The following POLI variants were observed in gnomAD, a reference collection of about 807,000 sequenced individuals.
POLI encodes the protein DNA polymerase iota, also known as RAD30 homolog B.
In POLI, 58 loss-of-function variants were observed where a neutral mutation model predicts 51.6. The observed-to-expected ratio is 1.12, with a 90% CI of 0.91 to 1.40. The LOEUF is 1.40. Among genes scored for constraint, POLI ranks in the 40% most tolerant of loss-of-function variants. The probability of loss-of-function intolerance (pLI) is 0.00; values close to 1 mark genes in which losing one functional copy is unlikely to be tolerated. For missense variants in POLI, 921 were observed against 871.3 expected, an observed-to-expected ratio of 1.06 and a Z score of -0.72; for synonymous variants, 322 against 299.7, an observed-to-expected ratio of 1.07 and a Z score of -0.77.
At position 54,297,128 on chromosome 18, in the gene POLI, C is replaced by G; in HGVS notation, c.*2661C>G. On this transcript the variant is annotated 3_prime_UTR_variant, in exon 10 of 10. Transcript: ENST00000579534. ...TGTCTTAAGTGTAAGCTCCCTGACC[C>G]TTACTACTAGCCGAAGGTTTTGTCT... The G allele has an allele frequency of 1.0e-6, 1 of 985,402 alleles. No homozygotes were observed. Among genetic ancestry groups the G allele is most frequent in the Non-Finnish European group, 1.2e-6 (1 of 829,924 alleles). 61.0% of individuals were successfully genotyped at this position (985,402 alleles called of 1,614,324 possible). A position where few individuals can be genotyped will look rare whatever the true frequency, so the allele number is the denominator to read the frequency against.
In POLI at chr18:54,283,978, T is replaced by C; in HGVS notation, c.1032T>C (p.Asn344=). 1 of 1,490,396 alleles carries C rather than the reference T, an allele frequency of 6.7e-7. No individual in the cohort carries two copies. The highest frequency in any genetic ancestry group is 9.3e-7 in the Non-Finnish European group (1 of 1,076,216). 92.3% of individuals were successfully genotyped at this position (1,490,396 alleles called of 1,614,324 possible). ...GTTCATCTGAAGTTGAAGCTAAAAATAAGATTGAAGAACTACTTGCTAGTC... is the reference window on the plus strand; with the variant it reads ...GTTCATCTGAAGTTGAAGCTAAAAACAAGATTGAAGAACTACTTGCTAGTC... ...KKCSSEVEAK[N]KIEELLASLL... Residue 344 remains asparagine, a synonymous_variant, in exon 7 of 10, where the codon AAT becomes AAC. Coordinates refer to ENST00000579534, the MANE Select transcript of POLI (RefSeq NM_007195.3).
intron 6 of POLI, among the ~76,000 whole-genome samples, 175 bp downstream of exon 6, chr18:54,283,190 A>T (rs1423285896): frequency 6.6e-6 from 1 of 152,158 alleles, no homozygotes; most frequent in East Asian, 1.9e-4. Context: ...CTTAAATGGA[A>T]TCTTAAGCAT....
At chr18:54,293,270 C>T (rs2088113961) in intron 9 of POLI, among the ~76,000 whole-genome samples, 1 of 151,648 alleles carries the variant, frequency 6.6e-6, no homozygotes, top group South Asian at 2.1e-4. Flanking sequence ...AAAACTAGCC[C>T]TTGATGCTAT....
rs1418395722 is a variant in POLI at position 54,294,640 on chromosome 18, T to C, written c.*173T>C. On this transcript the variant is annotated 3_prime_UTR_variant, in exon 10 of 10. Coordinates refer to ENST00000579534, the MANE Select transcript of POLI (RefSeq NM_007195.3). Reference sequence around the variant, plus strand: ...AATTCTGGCACAAAGCGTAAAAATATAACAGAAGAAATAATGTAAAATACT... The same window carrying C: ...AATTCTGGCACAAAGCGTAAAAATACAACAGAAGAAATAATGTAAAATACT... 10 of 1,280,312 alleles carry C rather than the reference T, an allele frequency of 7.8e-6. No homozygotes were observed. The highest frequency in any genetic ancestry group is 9.8e-6 in the Non-Finnish European group (10 of 1,015,744). The allele number at this position is 1,280,312 out of a possible 1,614,324, so 79.3% of individuals were successfully genotyped here. A position where few individuals can be genotyped will look rare whatever the true frequency, so the allele number is the denominator to read the frequency against.
At chr18:54,312,965 A>T (rs888053716) in intron 3 of POLI, among the ~76,000 whole-genome samples, 4 of 152,128 alleles carry the variant, frequency 2.6e-5, no homozygotes, top group Non-Finnish European at 5.9e-5. Flanking sequence ...ATTAGGTCCC[A>T]CTTGTCAATT....
intron 3 of POLI, among the ~76,000 whole-genome samples, chr18:54,317,715 A>C (rs2144653905): frequency 6.6e-6 from 1 of 152,256 alleles, no homozygotes; most frequent in Non-Finnish European, 1.5e-5. Context: ...ATTAAAAAAA[A>C]TTAACCCAGT....
chr18:54,308,433 A>G (rs2088622906), intron 3 of POLI, among the ~76,000 whole-genome samples: 1 of 152,166 alleles, frequency 6.6e-6, no homozygotes, highest in Admixed American at 6.5e-5. Context: ...GGCTTGTACA[A>G]TTTCTGCCGA....
Position 54,309,577 on chromosome 18 carries a change from C to A in POLI, c.334-10696C>A, listed in dbSNP as rs184189960. ...AGGCAGTCAGTCCACTCTCAGAGCT[C>A]AAACACCGTGCTGGGAGATGTCCCA... On this transcript the variant is annotated intron_variant, in intron 3 of 4. Coordinates refer to the POLI transcript ENST00000579823. 1.1e-3 allele frequency among the ~76,000 whole-genome samples: 161 copies of A among 152,310 alleles called. 1 individual carries two copies. The highest frequency in any genetic ancestry group is 4.4e-4 in the Non-Finnish European group (30 of 68,034).
In POLI at chr18:54,276,034, G is replaced by T. The variant is rs892082408; in HGVS notation, c.407-1669G>T. On this transcript the variant is annotated intron_variant, in intron 3 of 9. Coordinates refer to ENST00000579534, the MANE Select transcript of POLI (RefSeq NM_007195.3). ...TCTTTTGGGCCCTATATAATTATAT[G>T]TTTAATAAATGTATCTTGCTTATGA... Among the ~76,000 whole-genome samples, 13 of 150,262 alleles carry T rather than the reference G, an allele frequency of 8.7e-5. No individual in the cohort carries two copies. The South Asian group carries it at 2.7e-3, about 32-fold the overall frequency.
chr18:54,306,752 G>A (rs1005076484), intron 3 of POLI, among the ~76,000 whole-genome samples: 1 of 152,076 alleles, frequency 6.6e-6, no homozygotes, highest in Non-Finnish European at 1.5e-5. Context: ...CAATTTCAGA[G>A]CCTGTTATTG....
At chr18:54,271,682 A>C (rs529486549) in intron 2 of POLI, among the ~76,000 whole-genome samples, 197 bp downstream of exon 2, 1 of 152,236 alleles carries the variant, frequency 6.6e-6, no homozygotes, top group Non-Finnish European at 1.5e-5. Context: ...TGAATCTGAG[A>C]ATAGTGTAGT....
At chr18:54,320,822 A>T (rs2088780229) in intron 4 of POLI, among the ~76,000 whole-genome samples, 1 of 150,458 alleles carries the variant, frequency 6.6e-6, no homozygotes, top group African/African-American at 2.4e-5. Context: ...TTTTTTTTTT[A>T]AACTTATTTT....
At chr18:54,287,242 T>A in intron 7 of POLI, 39 bp from the exon 8 acceptor site, 1 of 1,438,600 alleles carries the variant, frequency 7.0e-7, no homozygotes, top group Non-Finnish European at 9.5e-7. Context: ...AAGGTAATAC[T>A]TTTCTAATTC....
At chr18:54,285,187 G>A (rs1256143912) in intron 7 of POLI, among the ~76,000 whole-genome samples, 3 of 152,168 alleles carry the variant, frequency 2.0e-5, no homozygotes, top group African/African-American at 7.2e-5. Flanking sequence ...CTGGCCTCCC[G>A]TGATATGACT....
intron 4 of POLI, among the ~76,000 whole-genome samples, chr18:54,278,664 A>G (rs1228909617): frequency 1.3e-5 from 2 of 152,246 alleles, no homozygotes; most frequent in Non-Finnish European, 2.9e-5. Flanking sequence ...TGTCTCCTTC[A>G]TATATTGAGA....
chr18:54,272,073 A>G (rs912917350), intron 2 of POLI: 2 of 152,226 alleles, frequency 1.3e-5, no homozygotes, highest in African/African-American at 4.8e-5. Flanking sequence ...AAAGATAAAG[A>G]GATTTTCTTT....
chr18:54,296,489 T>G lies in POLI; in HGVS notation c.*2022T>G. 2.2e-6 allele frequency: 1 copy of G among 452,920 alleles called. No homozygotes were observed. The highest frequency in any genetic ancestry group is 2.9e-6 in the Non-Finnish European group (1 of 343,370). 28.1% of individuals were successfully genotyped at this position (452,920 alleles called of 1,614,324 possible). ...ACTGTATTATTTGGAAGTGCGAATT[T>G]ATTTTTATTCTTAGTATATACTGGC... On this transcript the variant is annotated 3_prime_UTR_variant, in exon 10 of 10. Coordinates refer to ENST00000579534, the MANE Select transcript of POLI (RefSeq NM_007195.3).
rs757874841 is a variant in POLI, at chr18:54,269,583, G to T, written c.37G>T (p.Gly13Cys). 5.6e-6 allele frequency: 8 copies of T among 1,417,916 alleles called. No individual in the cohort carries two copies. Among genetic ancestry groups the T allele is most frequent in the Admixed American group, 2.9e-5 (1 of 34,532 alleles). The allele number at this position is 1,417,916 out of a possible 1,614,324, so 87.8% of individuals were successfully genotyped here. ...KLGVEPEEEG[G>C]GDDDEEDAEA... is the part of the protein sequence containing the mutation. ...GGGGGTGGAGCCGGAGGAGGAAGGC[G>T]GCGGCGACGACGACGAGGAAGACGC... is the stretch of plus-strand genomic sequence containing the variant. Residue 13 changes from glycine (G) to cysteine (C), a missense_variant, in exon 1 of 10, where the codon GGC (glycine) becomes TGC (cysteine). Transcript: ENST00000579534.
chr18:54,309,937 T>C (rs766575510), intron 3 of POLI, among the ~76,000 whole-genome samples: 6 of 152,176 alleles, frequency 3.9e-5, no homozygotes, highest in Admixed American at 6.5e-5. Flanking sequence ...GCTAAGACCA[T>C]TGGAAAACTG....
Sources: allele counts gnomAD v4.1 joint callset (sites outside exome capture counted in the v4.1 genomes callset), GRCh38; gene constraint gnomAD v4.1.1; transcripts MANE v1.5; gene names NCBI Gene and HGNC (gene_info 2026-07-23, HGNC 2026-07-21).